ARL15: variants seen among roughly 807,000 people sequenced by gnomAD.
The protein encoded by ARL15 is ADP-ribosylation factor-like protein 15.
A neutral mutation model predicts 25.2 loss-of-function variants in ARL15; 19 were observed. That is an observed-to-expected ratio of 0.75 (90% CI 0.53 to 1.10). ARL15 has a LOEUF of 1.10. ARL15 is among the 50% of genes least tolerant of loss of function. The probability of loss-of-function intolerance (pLI) is 0.00; values close to 1 mark genes in which losing one functional copy is unlikely to be tolerated. For missense variants in ARL15, 220 were observed against 246.0 expected (o/e 0.89, Z 0.71); for synonymous variants, 94 against 86.8 (o/e 1.08, Z -0.46).
intron 4 of ARL15, among the ~76,000 whole-genome samples, chr5:53,965,618 GT>G (rs199601464): frequency 0.016 from 2,378 of 150,510 alleles, 62 homozygotes; most frequent in African/African-American, 0.055. Context: ...TTCTATTTCT[GT>G]TTTTCTTTTT....
chr5:54,090,935 A>G (rs1400803553), intron 4 of ARL15, among the ~76,000 whole-genome samples: 1 of 140,730 alleles, frequency 7.1e-6, no homozygotes, highest in Non-Finnish European at 1.6e-5. Flanking sequence ...TTGTCACAAT[A>G]CAGATGTTTT....
rs544815388 is a variant in ARL15, at chr5:54,227,759, A to G, written c.49-55831T>C. ...AGATAACTTTTCCACATTTGAGCAC[A>G]TTGAACAATTGTCAGTGTGCTCACA... On this transcript the variant is annotated intron_variant, in intron 1 of 4. Transcript: ENST00000504924. Among the ~76,000 whole-genome samples the G allele has an allele frequency of 3.3e-5, 5 of 152,364 alleles. No individual in the cohort carries two copies. In the South Asian group the frequency reaches 1.0e-3, roughly 32 times the overall value.
chr5:54,067,978 T>C (rs1005392960), intron 4 of ARL15, among the ~76,000 whole-genome samples: 1 of 152,226 alleles, frequency 6.6e-6, no homozygotes, highest in Non-Finnish European at 1.5e-5. Context: ...ATTATTTGTT[T>C]GTAGGTCTAT....
chr5:53,985,085 A>G (rs1056678148), intron 4 of ARL15, among the ~76,000 whole-genome samples: 5 of 152,208 alleles, frequency 3.3e-5, no homozygotes, highest in African/African-American at 1.2e-4. Context: ...GCCAGATTCT[A>G]GCCCATGTGT....
intron 2 of ARL15, among the ~76,000 whole-genome samples, chr5:54,160,750 C>G (rs72752131): frequency 1.3e-5 from 2 of 152,018 alleles, no homozygotes; most frequent in Non-Finnish European, 2.9e-5. Context: ...GTTAATAAAC[C>G]AATAAAGTTT....
At chr5:54,171,651 A>G (rs779318295) in intron 2 of ARL15, 133 bp downstream of exon 2, 8 of 1,085,182 alleles carry the variant, frequency 7.4e-6, no homozygotes, top group Non-Finnish European at 1.0e-5. Context: ...TGAAAAAGAG[A>G]TAGTGTTTAA....
chr5:54,091,860 G>A (rs1438852149), intron 4 of ARL15, among the ~76,000 whole-genome samples: 1 of 152,166 alleles, frequency 6.6e-6, no homozygotes, highest in Non-Finnish European at 1.5e-5. Context: ...ACAGGCGTCT[G>A]ATGGGGTATA....
chr5:53,979,580 C>A (rs751547422), intron 4 of ARL15, among the ~76,000 whole-genome samples: 6 of 152,174 alleles, frequency 3.9e-5, no homozygotes, highest in East Asian at 1.9e-4. Flanking sequence ...CAACAAAAAT[C>A]TCATACTATA....
chr5:53,935,805 G>C (rs1746331646), intron 4 of ARL15, among the ~76,000 whole-genome samples: 1 of 152,168 alleles, frequency 6.6e-6, no homozygotes, highest in Non-Finnish European at 1.5e-5. Flanking sequence ...GCCCAGGCTG[G>C]AGTACAGTGG....
chr5:54,070,102 T>A (rs988416357), intron 4 of ARL15, among the ~76,000 whole-genome samples: 12 of 149,966 alleles, frequency 8.0e-5, no homozygotes, highest in African/African-American at 2.9e-4. Flanking sequence ...TTATAAAAGT[T>A]GGTTTGGGCC....
chr5:54,002,195 G>A (rs6450176), intron 4 of ARL15, among the ~76,000 whole-genome samples: 41,949 of 152,044 alleles, frequency 0.28, 6,032 homozygotes, highest in East Asian at 0.46. Context: ...AAGAGGGGAG[G>A]CAGATCCAGG....
intron 1 of ARL15, among the ~76,000 whole-genome samples, chr5:54,230,346 G>GAAAAAAAAAAAA (rs137882615): frequency 6.5e-5 from 6 of 91,848 alleles, no homozygotes; most frequent in African/African-American, 1.7e-4. Flanking sequence ...TTCCATCTCA[G>GAAAAAAAAAAAA]AAAAAAAAAA....
intron 1 of ARL15, among the ~76,000 whole-genome samples, chr5:54,230,165 T>G (rs1190143551): frequency 6.6e-6 from 1 of 151,614 alleles, no homozygotes; most frequent in Non-Finnish European, 1.5e-5. Flanking sequence ...GCCTGGCCAA[T>G]ATGAAATCCC....
chr5:54,014,479 T>C (rs376112655), intron 4 of ARL15, among the ~76,000 whole-genome samples: 67 of 151,928 alleles, frequency 4.4e-4, no homozygotes, highest in African/African-American at 1.6e-3. Context: ...GAATTCCTCT[T>C]GTCCCCCATC....
chr5:54,091,843 G>A (rs889263053), intron 4 of ARL15, among the ~76,000 whole-genome samples: 3 of 152,094 alleles, frequency 2.0e-5, no homozygotes, highest in Admixed American at 1.3e-4. Context: ...TCTAGGTCAC[G>A]CCTACAACAG....
At chr5:54,154,777 T>A (rs1459800767) in intron 2 of ARL15, 138 bp from the exon 3 acceptor site, 7 of 571,424 alleles carry the variant, frequency 1.2e-5, no homozygotes. Context: ...TAGAAACACA[T>A]AATTTCCAAG....
At chr5:53,997,550 G>C (rs1337882560) in intron 4 of ARL15, among the ~76,000 whole-genome samples, 2 of 151,988 alleles carry the variant, frequency 1.3e-5, no homozygotes, top group African/African-American at 4.8e-5. Flanking sequence ...CATCATCTCA[G>C]CACCATAGCA....
chr5:53,924,337 T>C (rs1256964069), intron 4 of ARL15, among the ~76,000 whole-genome samples: 2 of 152,232 alleles, frequency 1.3e-5, no homozygotes, highest in Non-Finnish European at 2.9e-5. Context: ...CCCAATTTTG[T>C]TGATTACTTT....
At chr5:53,951,464 T>G (rs1746954280) in intron 4 of ARL15, 1 of 469,188 alleles carries the variant, frequency 2.1e-6, no homozygotes, top group Non-Finnish European at 4.4e-6. Flanking sequence ...TTTATCTTCT[T>G]GCATACTCAA....
Sources: allele counts gnomAD v4.1 joint callset (sites outside exome capture counted in the v4.1 genomes callset), GRCh38; gene constraint gnomAD v4.1.1; transcripts MANE v1.5; gene names NCBI Gene and HGNC (gene_info 2026-07-23, HGNC 2026-07-21).